Variants in YWHAE observed in about 807,000 individuals in gnomAD.
YWHAE encodes 14-3-3 protein epsilon.
A neutral mutation model predicts 30.1 loss-of-function variants in YWHAE; 4 were observed. The ratio of observed to expected loss-of-function variants is 0.13; its 90% CI spans 0.07 to 0.30. The LOEUF is 0.30. Among genes scored for constraint, YWHAE ranks in the 10% least tolerant of loss-of-function variants. The pLI is 1.00. For missense variants in YWHAE, 121 were observed against 315.9 expected, an observed-to-expected ratio of 0.38 and a Z score of 4.68; for synonymous variants, 118 against 111.8, an observed-to-expected ratio of 1.06 and a Z score of -0.35.
At chr17:1,381,517 C>G (rs1234634184) in intron 1 of YWHAE, among the ~76,000 whole-genome samples, 2 of 151,878 alleles carry the variant, frequency 1.3e-5, no homozygotes, top group Non-Finnish European at 2.9e-5. Context: ...CCAAATAAAT[C>G]AATAAACTCA....
chr17:1,377,679 A>G (rs1411312201), intron 1 of YWHAE, among the ~76,000 whole-genome samples: 2 of 152,148 alleles, frequency 1.3e-5, no homozygotes, highest in African/African-American at 2.4e-5. Context: ...TATAAAGGCT[A>G]ATCAATTAGC....
chr17:1,363,890 C>A (rs2072902094), intron 2 of YWHAE, among the ~76,000 whole-genome samples: 1 of 152,044 alleles, frequency 6.6e-6, no homozygotes. Flanking sequence ...AGCAGCACTC[C>A]CGACAGTTTG....
At chr17:1,381,475 C>G (rs531504777) in intron 1 of YWHAE, among the ~76,000 whole-genome samples, 1 of 152,134 alleles carries the variant, frequency 6.6e-6, no homozygotes, top group East Asian at 1.9e-4. Flanking sequence ...TGTCACTGCA[C>G]TCCAGCATGG....
intron 4 of YWHAE, among the ~76,000 whole-genome samples, chr17:1,355,125 A>ACC (rs1567958070): frequency 1.5e-4 from 6 of 39,416 alleles, no homozygotes; most frequent in African/African-American, 4.6e-4. Flanking sequence ...TTAAAAAAAA[A>ACC]AAAAAAAAAA....
At chr17:1,364,742 CAT>C (rs2072918010) in intron 2 of YWHAE, 115 bp downstream of exon 2, 1 of 1,233,294 alleles carries the variant, frequency 8.1e-7, no homozygotes, top group African/African-American at 1.5e-5. Context: ...AACATTATAA[CAT>C]ACTGTAATAC....
At chr17:1,384,819 C>T (rs957593330) in intron 1 of YWHAE, among the ~76,000 whole-genome samples, 3 of 151,962 alleles carry the variant, frequency 2.0e-5, no homozygotes, top group Admixed American at 6.6e-5. Flanking sequence ...GATTCTCCTG[C>T]CTCCGCCTCC....
intron 1 of YWHAE, among the ~76,000 whole-genome samples, chr17:1,382,455 C>T (rs2073228187): frequency 6.6e-6 from 1 of 150,996 alleles, no homozygotes; most frequent in Admixed American, 6.6e-5. Context: ...CTCCCGGGTT[C>T]TGGCCATTCT....
At chr17:1,356,032 A>G (rs9747522) in intron 4 of YWHAE, among the ~76,000 whole-genome samples, 111,413 of 152,126 alleles carry the variant, frequency 0.73, 42,089 homozygotes, top group African/African-American at 0.91. Flanking sequence ...AGCCGGGAGC[A>G]GTGGCAGGTG....
chr17:1,374,133 C>T (rs2073089348), intron 1 of YWHAE, among the ~76,000 whole-genome samples: 1 of 151,926 alleles, frequency 6.6e-6, no homozygotes, highest in South Asian at 2.1e-4. Context: ...CAAAACATGG[C>T]AAAACCCCGT....
rs1198955923 is a variant in YWHAE, at chr17:1,388,492, C to G, written c.64+11555G>C. Among the ~76,000 whole-genome samples, 6 of 151,146 alleles carry G rather than the reference C, an allele frequency of 4.0e-5. No individual in the cohort carries two copies. In the East Asian group the frequency reaches 1.2e-3, roughly 30 times the overall value. ...GATGCAAGTGGAGCGCCACTGCACT[C>G]CAGCCTGGGCAACAGAGCAAGACTC... On this transcript the variant is annotated intron_variant, in intron 1 of 5. Coordinates refer to ENST00000264335, the MANE Select transcript of YWHAE (RefSeq NM_006761.5).
At chr17:1,370,274 C>G (rs919188733) in intron 1 of YWHAE, among the ~76,000 whole-genome samples, 1 of 149,554 alleles carries the variant, frequency 6.7e-6, no homozygotes, top group African/African-American at 2.5e-5. Flanking sequence ...CCACAGGCGC[C>G]CGTCACCATG....
chr17:1,388,212 C>T lies in YWHAE; in HGVS notation c.64+11835G>A, dbSNP rs1375559418. Among the ~76,000 whole-genome samples the T allele has an allele frequency of 2.1e-5, 3 of 140,854 alleles. No homozygotes were observed. The Admixed American group carries it at 2.2e-4, about 10-fold the overall frequency. The allele number at this position is 140,854 out of a possible 152,430, so 92.4% of individuals were successfully genotyped here. On this transcript the variant is annotated intron_variant, in intron 1 of 5. Transcript: ENST00000264335. ...TCCTGACCTCGTGATCTGCCCTCCTCGGCCTCCCAAAGTGCTAGGATTGGC... is the reference window on the plus strand; with the variant it reads ...TCCTGACCTCGTGATCTGCCCTCCTTGGCCTCCCAAAGTGCTAGGATTGGC...
intron 2 of YWHAE, among the ~76,000 whole-genome samples, chr17:1,364,313 G>A (rs2072910719): frequency 1.3e-5 from 2 of 151,078 alleles, no homozygotes; most frequent in South Asian, 2.1e-4. Flanking sequence ...CGCAAGCTCC[G>A]CCTCCCGGAT....
intron 1 of YWHAE, among the ~76,000 whole-genome samples, chr17:1,381,899 C>T (rs1168650894): frequency 8.7e-6 from 1 of 115,226 alleles, no homozygotes; most frequent in Non-Finnish European, 1.6e-5. Context: ...CACGAGAGAG[C>T]GACACTATGT....
At chr17:1,368,268 C>A (rs932447202) in intron 1 of YWHAE, among the ~76,000 whole-genome samples, 2 of 151,990 alleles carry the variant, frequency 1.3e-5, no homozygotes, top group Admixed American at 6.6e-5. Context: ...ATCCCAGCTA[C>A]TCGAGGCTGA....
At chr17:1,374,253 G>A (rs1293177031) in intron 1 of YWHAE, among the ~76,000 whole-genome samples, 1 of 151,660 alleles carries the variant, frequency 6.6e-6, no homozygotes, top group African/African-American at 2.4e-5. Flanking sequence ...GGGAGGCGGA[G>A]GTTGCAGTGA....
chr17:1,375,597 T>A (rs998723273), intron 1 of YWHAE, among the ~76,000 whole-genome samples: 2 of 152,220 alleles, frequency 1.3e-5, no homozygotes, highest in Non-Finnish European at 2.9e-5. Flanking sequence ...TTTTCATGGT[T>A]TGGGGACAAG....
chr17:1,357,118 A>C (rs113698455), intron 4 of YWHAE, among the ~76,000 whole-genome samples: 5,478 of 149,984 alleles, frequency 0.037, 310 homozygotes, highest in African/African-American at 0.13. Context: ...AAATACAAAA[A>C]ATAGGCCGGG....
At chr17:1,377,473 T>C (rs922617310) in intron 1 of YWHAE, among the ~76,000 whole-genome samples, 2 of 151,964 alleles carry the variant, frequency 1.3e-5, no homozygotes, top group African/African-American at 4.8e-5. Context: ...GAACCGGAAA[T>C]GTGGCTCACA....
Sources: allele counts gnomAD v4.1 joint callset (sites outside exome capture counted in the v4.1 genomes callset), GRCh38; gene constraint gnomAD v4.1.1; transcripts MANE v1.5; gene names NCBI Gene and HGNC (gene_info 2026-07-23, HGNC 2026-07-21).